Variants in RNF150 observed in about 807,000 individuals in gnomAD.
The protein encoded by RNF150 is ring finger protein 150.
A neutral mutation model predicts 39.3 loss-of-function variants in RNF150; 24 were observed. That is an observed-to-expected ratio of 0.61 (90% confidence interval 0.44 to 0.86). RNF150 has a LOEUF of 0.86. Among genes scored for constraint, RNF150 ranks in the 40% least tolerant of loss-of-function variants. RNF150 has a pLI of 0.00. For synonymous variants in RNF150, 255 were observed against 227.3 expected, an observed-to-expected ratio of 1.12 and a Z score of -1.10; for missense variants, 502 against 587.8, an observed-to-expected ratio of 0.85 and a Z score of 1.51.
At chr4:140,968,961 A>G (rs561242104) in intron 1 of RNF150, among the ~76,000 whole-genome samples, 1 of 152,064 alleles carries the variant, frequency 6.6e-6, no homozygotes, top group African/African-American at 2.4e-5. Flanking sequence ...TCGCATCCAC[A>G]TGGAAATATC....
chr4:141,155,244 C>T (rs957717589), intron 1 of RNF150, among the ~76,000 whole-genome samples: 2 of 144,394 alleles, frequency 1.4e-5, no homozygotes, highest in African/African-American at 5.2e-5. Context: ...CACCACCACA[C>T]CCGGCTGATT....
At chr4:141,133,712 G>T (rs1358804357), upstream of RNF150, among the ~76,000 whole-genome samples, 1 of 152,092 alleles carries the variant, frequency 6.6e-6, no homozygotes, top group Non-Finnish European at 1.5e-5. Flanking sequence ...TTTAGCAAAT[G>T]TATGTGCCTC....
At chr4:140,870,911 G>A (rs1728908446) in intron 6 of RNF150, among the ~76,000 whole-genome samples, 1 of 151,946 alleles carries the variant, frequency 6.6e-6, no homozygotes, top group African/African-American at 2.4e-5. Flanking sequence ...GAGACTGGGA[G>A]TGGCTTCATA....
chr4:141,124,841 G>A (rs1005563067), intron 1 of RNF150, among the ~76,000 whole-genome samples: 3 of 152,036 alleles, frequency 2.0e-5, no homozygotes, highest in African/African-American at 4.8e-5. Flanking sequence ...GAAAACACAT[G>A]AACAAACCAA....
In RNF150 at chr4:141,197,037, AT is replaced by A. The variant is rs112662963; in HGVS notation, c.-6+15756del. ...GTGTTTGATGTCAAGATCTGGATTA[AT>A]TTTGTCCCAAAAAAAAGTGTTTTAA... On this transcript the variant is annotated intron_variant, in intron 1 of 7. Coordinates refer to the RNF150 transcript ENST00000420921. Among the ~76,000 whole-genome samples the A allele has an allele frequency of 1.8e-3, 272 of 152,236 alleles. 2 individuals carry two copies. The highest frequency in any genetic ancestry group is 6.3e-3 in the African/African-American group (261 of 41,526).
chr4:140,993,732 T>C (rs1734271540), intron 1 of RNF150, among the ~76,000 whole-genome samples: 1 of 152,214 alleles, frequency 6.6e-6, no homozygotes, highest in Non-Finnish European at 1.5e-5. Context: ...GTTAAAGCCA[T>C]GATTTCTCAA....
At chr4:141,183,343 C>T (rs554912636) in intron 1 of RNF150, among the ~76,000 whole-genome samples, 2 of 152,030 alleles carry the variant, frequency 1.3e-5, no homozygotes, top group African/African-American at 4.8e-5. Context: ...TGATTCCTGC[C>T]CCACTGGTAT....
intron 1 of RNF150, among the ~76,000 whole-genome samples, chr4:140,979,490 A>C (rs949794799): frequency 6.6e-6 from 1 of 152,132 alleles, no homozygotes; most frequent in African/African-American, 2.4e-5. Context: ...TAAATGAAAG[A>C]ATGCACACAA....
intron 3 of RNF150, 70 bp downstream of exon 3, chr4:140,949,231 C>G (rs1732446706): frequency 8.3e-7 from 1 of 1,204,826 alleles, no homozygotes. Context: ...TCTCTTCCAC[C>G]CTGGCTATAA....
chr4:141,150,462 C>T (rs1727277767), intron 1 of RNF150, among the ~76,000 whole-genome samples: 1 of 152,200 alleles, frequency 6.6e-6, no homozygotes, highest in Non-Finnish European at 1.5e-5. Context: ...GTAATAGCTT[C>T]CTACTTGGTC....
chr4:141,004,598 T>C (rs73860224), intron 1 of RNF150, among the ~76,000 whole-genome samples: 11,528 of 152,264 alleles, frequency 0.076, 481 homozygotes, highest in Middle Eastern at 0.16. Context: ...GCTACAGACC[T>C]AGGTGAGTAT....
In RNF150 at chr4:141,065,329, T is replaced by C. The variant is rs576080241; in HGVS notation, c.484+66996A>G. Reference sequence around the variant, plus strand: ...GAGAGGCAGGGATAGGGAAGAAAAGTGACAGAGAGAAATGTACAATATGAA... The same window carrying C: ...GAGAGGCAGGGATAGGGAAGAAAAGCGACAGAGAGAAATGTACAATATGAA... On this transcript the variant is annotated intron_variant, in intron 1 of 6. Transcript: ENST00000515673. Among the ~76,000 whole-genome samples, 19 of 152,248 alleles carry C rather than the reference T, an allele frequency of 1.2e-4. No individual in the cohort carries two copies. The South Asian group carries it at 3.3e-3, about 27-fold the overall frequency.
Position 140,868,222 on chromosome 4 carries a change from C to T in RNF150, c.*39G>A. The T allele has an allele frequency of 1.7e-6, 2 of 1,192,634 alleles. No homozygotes were observed. The highest frequency in any genetic ancestry group is 2.5e-6 in the Non-Finnish European group (2 of 796,294). 73.9% of individuals were successfully genotyped at this position (1,192,634 alleles called of 1,614,324 possible). ...TTGGAGCACTCTTCCCTTCCTTTCC[C>T]TTGGGTCCTACTATCTCTTTGCTTC... On this transcript the variant is annotated 3_prime_UTR_variant, in exon 7 of 7. Transcript: ENST00000515673.
rs561636984 is a variant in RNF150, at chr4:140,947,681, T to C, written c.863A>G (p.Asn288Ser). ...CAVCIEGYKP[N>S]DVVRILPCRH... ...GCAGGGCAGGATCCGGACAACGTCA[T>C]TGGGCTTGTACCCTTCAATACAAAC... Residue 288 changes from asparagine (N) to serine (S), a missense_variant, in exon 4 of 7, where the codon AAT becomes AGT. Transcript: ENST00000515673. 2.6e-5 allele frequency: 42 copies of C among 1,610,940 alleles called. No homozygotes were observed. Among genetic ancestry groups the C allele is most frequent in the African/African-American group, 9.3e-5 (7 of 74,896 alleles).
intron 1 of RNF150, among the ~76,000 whole-genome samples, chr4:141,168,953 TA>T (rs987392462): frequency 2.6e-5 from 4 of 152,132 alleles, no homozygotes; most frequent in African/African-American, 9.7e-5. Context: ...TAATAATTTT[TA>T]AAAAGCCTTT....
intron 1 of RNF150, among the ~76,000 whole-genome samples, chr4:141,207,409 T>C (rs1728391592): frequency 6.6e-6 from 1 of 152,044 alleles, no homozygotes; most frequent in Non-Finnish European, 1.5e-5. Flanking sequence ...CTTGACCCCA[T>C]GAGTCTGTTC....
chr4:141,020,092 T>C (rs1188097259), intron 1 of RNF150, among the ~76,000 whole-genome samples: 2 of 139,724 alleles, frequency 1.4e-5, no homozygotes, highest in African/African-American at 5.0e-5. Context: ...GAGTTTTTTT[T>C]TGGTTTGATA....
chr4:140,901,040 G>T (rs1730168493), intron 6 of RNF150, among the ~76,000 whole-genome samples: 1 of 152,074 alleles, frequency 6.6e-6, no homozygotes. Context: ...TCACAGTAGG[G>T]TCATCTTTAT....
intron 1 of RNF150, among the ~76,000 whole-genome samples, chr4:141,115,923 A>G (rs1391954079): frequency 6.6e-6 from 1 of 152,242 alleles, no homozygotes; most frequent in Non-Finnish European, 1.5e-5. Context: ...TGGGTTTTGG[A>G]AAACTGGCTA....
Sources: allele counts gnomAD v4.1 joint callset (sites outside exome capture counted in the v4.1 genomes callset), GRCh38; gene constraint gnomAD v4.1.1; transcripts MANE v1.5; gene names NCBI Gene and HGNC (gene_info 2026-07-23, HGNC 2026-07-21).